Variants in DZIP1L observed in about 807,000 individuals in gnomAD.
The protein encoded by DZIP1L is cilium assembly protein DZIP1L.
In DZIP1L, 90 loss-of-function variants were observed where a neutral mutation model predicts 88.7. The observed-to-expected ratio is 1.02, with a 90% CI of 0.86 to 1.21. DZIP1L has a LOEUF of 1.21. Among genes scored for constraint, DZIP1L ranks in the 50% most tolerant of loss-of-function variants. The pLI, the probability that DZIP1L is intolerant of heterozygous loss-of-function variation, is 0.00. For synonymous variants in DZIP1L, 363 were observed against 372.1 expected (o/e 0.98, Z 0.28); for missense variants, 932 against 955.8 (o/e 0.98, Z 0.33).
At chr3:138,101,741 T>G in intron 2 of DZIP1L, 2 of 930,872 alleles carry the variant, frequency 2.1e-6, no homozygotes, top group Non-Finnish European at 3.6e-6. Flanking sequence ...CGGCTTTCCT[T>G]GCCCTCCAGC....
intron 14 of DZIP1L, among the ~76,000 whole-genome samples, chr3:138,066,561 T>C (rs1942911905): frequency 6.6e-6 from 1 of 152,130 alleles, no homozygotes; most frequent in African/African-American, 2.4e-5. Flanking sequence ...CTATGAGGCT[T>C]AGTTTCAACT....
intron 14 of DZIP1L, among the ~76,000 whole-genome samples, chr3:138,066,821 C>A (rs1456548629): frequency 1.3e-5 from 2 of 151,940 alleles, no homozygotes; most frequent in Non-Finnish European, 2.9e-5. Context: ...TACCCTCTCT[C>A]ACAGAAGAAG....
chr3:138,102,793 C>T, intron 2 of DZIP1L: 1 of 751,042 alleles, frequency 1.3e-6, no homozygotes, highest in Non-Finnish European at 2.5e-6. Context: ...GCTGCTGCTG[C>T]CCACTCAGGA....
intron 2 of DZIP1L, among the ~76,000 whole-genome samples, chr3:138,100,955 G>A (rs2042282970): frequency 6.6e-6 from 1 of 152,066 alleles, no homozygotes; most frequent in Non-Finnish European, 1.5e-5. Context: ...GAATAGGCCT[G>A]GCTCCACCAA....
intron 2 of DZIP1L, among the ~76,000 whole-genome samples, chr3:138,099,052 A>G (rs1047474952): frequency 1.3e-4 from 20 of 152,320 alleles, no homozygotes; most frequent in African/African-American, 4.8e-4. Flanking sequence ...TGGGAGGATC[A>G]CCTGAGCCTG....
intron 2 of DZIP1L, among the ~76,000 whole-genome samples, chr3:138,099,879 T>G (rs1559856713): frequency 6.6e-6 from 1 of 152,150 alleles, no homozygotes; most frequent in Non-Finnish European, 1.5e-5. Flanking sequence ...TCAAATAACC[T>G]CTTTTCTTTA....
At position 138,103,522 on chromosome 3, in the gene DZIP1L, G is replaced by C; in HGVS notation, c.450C>G (p.Ile150Met). Reference protein sequence around the residue: ...REESRRRRKMISTLQQLLMQT... With the variant: ...REESRRRRKMMSTLQQLLMQT... Reference sequence around the variant, plus strand: ...GCATTAGCAGCTGCTGCAGGGTGCTGATCATCTTGCGACGCCGGCGGCTCT... The same window carrying C: ...GCATTAGCAGCTGCTGCAGGGTGCTCATCATCTTGCGACGCCGGCGGCTCT... Residue 150 changes from isoleucine to methionine, a missense_variant, in exon 2 of 16, where the codon ATC becomes ATG. Transcript: ENST00000327532. 1 of 1,611,848 alleles carries C rather than the reference G, an allele frequency of 6.2e-7. No individual in the cohort carries two copies. The highest frequency in any genetic ancestry group is 1.1e-5 in the South Asian group (1 of 91,010).
At chr3:138,084,004 GC>G in intron 8 of DZIP1L, 108 bp downstream of exon 8, 1 of 1,444,334 alleles carries the variant, frequency 6.9e-7, no homozygotes. Flanking sequence ...TCCTTAAGGA[GC>G]CTGAGTGGTA....
At chr3:138,097,087 A>T (rs994640543) in intron 3 of DZIP1L, among the ~76,000 whole-genome samples, 2 of 151,982 alleles carry the variant, frequency 1.3e-5, no homozygotes, top group African/African-American at 4.8e-5. Context: ...AGGCTGAGGT[A>T]CGGGGATTGC....
intron 9 of DZIP1L, among the ~76,000 whole-genome samples, chr3:138,081,214 G>T (rs1432549509): frequency 6.6e-6 from 1 of 152,162 alleles, no homozygotes; most frequent in East Asian, 1.9e-4. Flanking sequence ...CTAAACAGGA[G>T]CAGTCCCCTG....
chr3:138,104,244 C>T (rs1455755407), intron 1 of DZIP1L, among the ~76,000 whole-genome samples, 192 bp from the exon 2 acceptor site: 5 of 152,248 alleles, frequency 3.3e-5, no homozygotes, highest in Non-Finnish European at 2.9e-5. Flanking sequence ...GATGTGGATT[C>T]GAATGCTCTG....
Position 138,081,718 on chromosome 3 carries a change from C to T in DZIP1L, c.1234+16G>A. ...ATAGTCAAGACTGCTACACACTGCC[C>T]TGTGTAGACACTTACCTTCCACCTT... On this transcript the variant is annotated intron_variant, in intron 9 of 15. Transcript: ENST00000327532. 3 of 1,611,422 alleles carry T rather than the reference C, an allele frequency of 1.9e-6. No homozygotes were observed. Among genetic ancestry groups the T allele is most frequent in the South Asian group, 1.1e-5 (1 of 90,698 alleles).
chr3:138,088,788 C>T (rs1944069894), intron 5 of DZIP1L: 13 of 1,066,078 alleles, frequency 1.2e-5, no homozygotes, highest in African/African-American at 1.7e-5. Context: ...CTCAAAATCC[C>T]GAGCTCTCCT....
chr3:138,080,301 C>T (rs1056128381), intron 10 of DZIP1L: 1 of 324,704 alleles, frequency 3.1e-6, no homozygotes, highest in African/African-American at 2.1e-5. Flanking sequence ...CACTCAGTTA[C>T]CTGCTAGCTT....
In DZIP1L at chr3:138,102,151, T is replaced by C. The variant is rs1034080166; in HGVS notation, c.501+1320A>G. The C allele has an allele frequency of 5.8e-6, 8 of 1,382,796 alleles. No individual in the cohort carries two copies. The Admixed American group carries it at 8.4e-5, about 15-fold the overall frequency. The allele number at this position is 1,382,796 out of a possible 1,614,324, so 85.7% of individuals were successfully genotyped here. Reference sequence around the variant, plus strand: ...TTGACCTCAGCGATGATGCTGTCCATGTCCAGGGAGTGACTGTTGTCCATG... The same window carrying C: ...TTGACCTCAGCGATGATGCTGTCCACGTCCAGGGAGTGACTGTTGTCCATG... On this transcript the variant is annotated intron_variant, in intron 2 of 15. Coordinates refer to ENST00000327532, the MANE Select transcript of DZIP1L (RefSeq NM_173543.3).
At chr3:138,108,529 G>A (rs2042558027) in intron 1 of DZIP1L, among the ~76,000 whole-genome samples, 1 of 151,948 alleles carries the variant, frequency 6.6e-6, no homozygotes, top group Non-Finnish European at 1.5e-5. Context: ...TTATGACAGG[G>A]TGTGCCACTG....
intron 11 of DZIP1L, among the ~76,000 whole-genome samples, chr3:138,072,593 T>C (rs187043970): frequency 1.8e-4 from 28 of 152,334 alleles, no homozygotes; most frequent in Admixed American, 3.9e-4. Context: ...ATAGATTTCA[T>C]TGGTGCTTCT....
In DZIP1L at chr3:138,062,512, A is replaced by G. The variant is rs1338841600; in HGVS notation, c.*304T>C. 2 of 282,142 alleles carry G rather than the reference A, an allele frequency of 7.1e-6. No homozygotes were observed. Among genetic ancestry groups the G allele is most frequent in the Admixed American group, 4.5e-5 (1 of 22,186 alleles). 17.5% of individuals were successfully genotyped at this position (282,142 alleles called of 1,614,324 possible). A position where few individuals can be genotyped will look rare whatever the true frequency, so the allele number is the denominator to read the frequency against. ...AAGGCTTGGGAAAAGAGAGTTAGTG[A>G]CTCTTTTCAGTCTTGGGGGGATGTG... On this transcript the variant is annotated 3_prime_UTR_variant, in exon 16 of 16. Transcript: ENST00000327532.
intron 12 of DZIP1L, chr3:138,068,937 A>G (rs1943045846): frequency 8.0e-7 from 1 of 1,249,888 alleles, no homozygotes; most frequent in Non-Finnish European, 1.0e-6. Flanking sequence ...TTTTATGGGA[A>G]GAGAAGAGAG....
Sources: allele counts gnomAD v4.1 joint callset (sites outside exome capture counted in the v4.1 genomes callset), GRCh38; gene constraint gnomAD v4.1.1; transcripts MANE v1.5; gene names NCBI Gene and HGNC (gene_info 2026-07-23, HGNC 2026-07-21).